Variants in GAB2 observed in about 807,000 individuals in gnomAD.
GAB2 encodes the protein GRB2 associated binding protein 2, also known as GRB2-associated-binding protein 2.
In GAB2, 26 loss-of-function variants were observed where a neutral mutation model predicts 65.5. The observed-to-expected ratio is 0.40, with a 90% CI of 0.29 to 0.55. The LOEUF (loss-of-function observed/expected upper bound fraction) is 0.55, where lower values mean the gene tolerates loss of function less well. GAB2 is among the 20% of genes least tolerant of loss of function. The pLI is 0.53. For missense variants in GAB2, 884 were observed against 875.8 expected (o/e 1.01, Z -0.12); for synonymous variants, 321 against 329.6 (o/e 0.97, Z 0.28).
At chr11:78,359,798 A>T (rs546355371) in intron 1 of GAB2, among the ~76,000 whole-genome samples, 5 of 152,364 alleles carry the variant, frequency 3.3e-5, no homozygotes, top group African/African-American at 1.2e-4. Context: ...ATGATTTGGA[A>T]GAAGGGTGTA....
chr11:78,308,988 G>T (rs1289351903), intron 1 of GAB2, among the ~76,000 whole-genome samples: 3 of 152,206 alleles, frequency 2.0e-5, no homozygotes, highest in African/African-American at 7.2e-5. Flanking sequence ...GACAGGAAGA[G>T]AAATTAACAG....
intron 1 of GAB2, among the ~76,000 whole-genome samples, chr11:78,366,819 G>A (rs1021393178): frequency 6.7e-6 from 1 of 150,362 alleles, no homozygotes; most frequent in African/African-American, 2.4e-5. Context: ...ATATAGTGGA[G>A]AAGCAACTCA....
chr11:78,339,137 G>A (rs1321554238), intron 1 of GAB2, among the ~76,000 whole-genome samples: 1 of 151,988 alleles, frequency 6.6e-6, no homozygotes, highest in Non-Finnish European at 1.5e-5. Context: ...TGTTGGCCAG[G>A]CTGGTCTTGA....
chr11:78,309,926 ATGTGTGTGTGTGTG>A (rs60718900), intron 1 of GAB2, among the ~76,000 whole-genome samples: 7,036 of 135,658 alleles, frequency 0.052, 244 homozygotes, highest in Non-Finnish European at 0.072. Flanking sequence ...AGGGTTAGAA[ATGTGTGTGTGTGTG>A]TGTGTGTGTG....
At chr11:78,384,641 A>G (rs1856742902) in intron 1 of GAB2, among the ~76,000 whole-genome samples, 1 of 152,166 alleles carries the variant, frequency 6.6e-6, no homozygotes, top group African/African-American at 2.4e-5. Flanking sequence ...GAGCTGGGAG[A>G]GGAGGCAGTG....
chr11:78,370,046 A>G (rs531855434), intron 1 of GAB2, among the ~76,000 whole-genome samples: 1 of 152,042 alleles, frequency 6.6e-6, no homozygotes, highest in Non-Finnish European at 1.5e-5. Context: ...TCACGAGGTC[A>G]GGAGATCGAG....
intron 1 of GAB2, among the ~76,000 whole-genome samples, chr11:78,407,251 C>T (rs1857056466): frequency 6.6e-6 from 1 of 152,032 alleles, no homozygotes; most frequent in African/African-American, 2.4e-5. Flanking sequence ...GAGTTCCAAA[C>T]AGGATAAACT....
intron 1 of GAB2, among the ~76,000 whole-genome samples, chr11:78,285,577 C>T (rs752755547): frequency 2.6e-5 from 4 of 152,160 alleles, no homozygotes; most frequent in African/African-American, 4.8e-5. Context: ...GCGATTCTCC[C>T]GCCTCCGCCT....
intron 1 of GAB2, among the ~76,000 whole-genome samples, chr11:78,409,842 A>T (rs1490574289): frequency 2.6e-5 from 4 of 152,200 alleles, no homozygotes; most frequent in Non-Finnish European, 5.9e-5. Context: ...GTACCCATGG[A>T]ACCTAAAGCA....
At chr11:78,359,716 A>G (rs1475579503) in intron 1 of GAB2, among the ~76,000 whole-genome samples, 1 of 152,248 alleles carries the variant, frequency 6.6e-6, no homozygotes, top group Non-Finnish European at 1.5e-5. Context: ...AATAAATAAG[A>G]TAGAAAATAC....
intron 2 of GAB2, among the ~76,000 whole-genome samples, chr11:78,261,841 G>A (rs563430985): frequency 6.6e-6 from 1 of 152,242 alleles, no homozygotes; most frequent in South Asian, 2.1e-4. Context: ...GAACCCATTA[G>A]TTTTCCCACA....
At chr11:78,244,370 C>T (rs114204536) in intron 3 of GAB2, among the ~76,000 whole-genome samples, 4,098 of 150,342 alleles carry the variant, frequency 0.027, 173 homozygotes, top group African/African-American at 0.087. Flanking sequence ...CCAGCCTGTA[C>T]GACAGAGGGA....
intron 1 of GAB2, among the ~76,000 whole-genome samples, chr11:78,288,292 T>C (rs1404784377): frequency 2.7e-5 from 4 of 148,758 alleles, no homozygotes; most frequent in Non-Finnish European, 3.0e-5. Context: ...GGCAGGAAAA[T>C]TGCTTGAGCC....
At chr11:78,408,893 G>C (rs1358668710) in intron 1 of GAB2, among the ~76,000 whole-genome samples, 1 of 152,182 alleles carries the variant, frequency 6.6e-6, no homozygotes, top group African/African-American at 2.4e-5. Flanking sequence ...CCCCAGCCAT[G>C]CTTCCTGTAC....
rs60718900 is a variant in GAB2 at position 78,309,926 on chromosome 11, A to ATGTGTGTGTGTG, written c.76-29037_76-29026dup. On this transcript the variant is annotated intron_variant, in intron 1 of 9. Coordinates refer to ENST00000361507, the MANE Select transcript of GAB2 (RefSeq NM_080491.3). ...CGGTTCACTTTGGGGAGGGTTAGAA[A>ATGTGTGTGTGTG]TGTGTGTGTGTGTGTGTGTGTGTGT... is the stretch of plus-strand genomic sequence containing the variant. Among the ~76,000 whole-genome samples, 61 of 135,672 alleles carry ATGTGTGTGTGTG rather than the reference A, an allele frequency of 4.5e-4. No individual in the cohort carries two copies. In the East Asian group the frequency reaches 5.6e-3, roughly 12 times the overall value. 89.0% of individuals were successfully genotyped at this position (135,672 alleles called of 152,430 possible). A position where few individuals can be genotyped will look rare whatever the true frequency, so the allele number is the denominator to read the frequency against.
At position 78,378,777 on chromosome 11, in the gene GAB2, C is replaced by T. The variant is rs867384865; in HGVS notation, c.75+38869G>A. ...AGTAGTTGGGATTATAACCACGAGC[C>T]ACTGTGCCCCATAGACACTTCTTAT... is the stretch of plus-strand genomic sequence containing the variant. On this transcript the variant is annotated intron_variant, in intron 1 of 9. Coordinates refer to ENST00000361507, the MANE Select transcript of GAB2 (RefSeq NM_080491.3). Among the ~76,000 whole-genome samples, 29 of 152,306 alleles carry T rather than the reference C, an allele frequency of 1.9e-4. No individual in the cohort carries two copies. In the Middle Eastern group the frequency reaches 0.017, roughly 89 times the overall value.
intron 1 of GAB2, among the ~76,000 whole-genome samples, chr11:78,346,577 G>GAAGAGAAGAC (rs140637266): frequency 0.27 from 39,352 of 146,904 alleles, 6,281 homozygotes; most frequent in African/African-American, 0.43. Flanking sequence ...TGCTGCCTGA[G>GAAGAGAAGAC]AAGAGAAGAG....
chr11:78,371,484 A>G (rs1856570794), intron 1 of GAB2, among the ~76,000 whole-genome samples: 1 of 152,192 alleles, frequency 6.6e-6, no homozygotes. Flanking sequence ...AGAGGGGCTG[A>G]TTCTTTTCCT....
At chr11:78,333,884 C>T (rs1347111822) in intron 1 of GAB2, among the ~76,000 whole-genome samples, 2 of 152,126 alleles carry the variant, frequency 1.3e-5, no homozygotes, top group Non-Finnish European at 2.9e-5. Context: ...GGTCTATGAT[C>T]CCTGGGATTT....
Sources: gnomAD v4.1 joint callset for allele counts (sites outside exome capture counted in the v4.1 genomes callset) on GRCh38, gnomAD v4.1.1 for gene constraint, MANE v1.5 for transcripts, NCBI Gene and HGNC (gene_info 2026-07-23, HGNC 2026-07-21) for gene names.